The following ATP9A variants were observed in gnomAD, a reference collection of about 807,000 sequenced individuals.
The protein encoded by ATP9A is probable phospholipid-transporting ATPase IIA.
Under a neutral mutation model 144.1 loss-of-function variants are expected in ATP9A, and 52 were observed. That is an observed-to-expected ratio of 0.36 (90% CI 0.29 to 0.45). ATP9A has a LOEUF of 0.45. ATP9A is among the 20% of genes least tolerant of loss of function. The pLI, the probability that ATP9A is intolerant of heterozygous loss-of-function variation, is 1.00. For missense variants in ATP9A, 947 were observed against 1,392.7 expected, an observed-to-expected ratio of 0.68 and a Z score of 5.09; for synonymous variants, 582 against 557.4, an observed-to-expected ratio of 1.04 and a Z score of -0.62.
chr20:51,741,045 A>T (rs2077782985), intron 1 of ATP9A, among the ~76,000 whole-genome samples: 1 of 151,742 alleles, frequency 6.6e-6, no homozygotes, highest in African/African-American at 2.4e-5. Flanking sequence ...TTAATTAATT[A>T]AAAATAAATT....
intron 6 of ATP9A, among the ~76,000 whole-genome samples, chr20:51,695,229 C>T (rs571818574): frequency 6.6e-6 from 1 of 152,030 alleles, no homozygotes; most frequent in Non-Finnish European, 1.5e-5. Context: ...TGGCTCACAC[C>T]TGTAATTCCA....
intron 14 of ATP9A, among the ~76,000 whole-genome samples, chr20:51,649,151 C>A (rs1487608509): frequency 1.3e-5 from 2 of 152,116 alleles, no homozygotes; most frequent in Non-Finnish European, 2.9e-5. Context: ...CCAAACAGGG[C>A]ACCCTGTTTG....
At chr20:51,759,959 C>G (rs542717371) in intron 1 of ATP9A, among the ~76,000 whole-genome samples, 6 of 152,266 alleles carry the variant, frequency 3.9e-5, no homozygotes, top group Admixed American at 3.9e-4. Context: ...CCCTGCCCCG[C>G]CCCCAGACAC....
In ATP9A at chr20:51,689,163, C is replaced by T. The variant is rs760748613; in HGVS notation, c.724-24G>A. On this transcript the variant is annotated intron_variant, in intron 8 of 27. Transcript: ENST00000338821. ...TCCTGGAAAAGACCAAACGGACACA[C>T]GTTCACCCCCCAAAGCTTCCCCAGA... The T allele has an allele frequency of 1.7e-5, 28 of 1,610,786 alleles. No homozygotes were observed. In the East Asian group the frequency reaches 2.2e-4, roughly 13 times the overall value.
chr20:51,614,446 A>G (rs920994803), intron 22 of ATP9A, among the ~76,000 whole-genome samples: 1 of 152,056 alleles, frequency 6.6e-6, no homozygotes, highest in Non-Finnish European at 1.5e-5. Context: ...GAGCACAGAC[A>G]TGCACCACCA....
At chr20:51,638,009 T>C (rs76640102) in intron 15 of ATP9A, among the ~76,000 whole-genome samples, 1 of 139,964 alleles carries the variant, frequency 7.1e-6, no homozygotes, top group East Asian at 2.1e-4. Flanking sequence ...CCCAATCCCA[T>C]CCAGTTTGCA....
Position 51,760,724 on chromosome 20 carries a change from T to C in ATP9A, c.68+7578A>G, listed in dbSNP as rs372829481. ...CTGGGCGACAGAGCAAGACTCCGTC[T>C]CAAAAAAAAAAAAAAAAATGCCAGG... On this transcript the variant is annotated intron_variant, in intron 1 of 27. Coordinates refer to ENST00000338821, the MANE Select transcript of ATP9A (RefSeq NM_006045.3). Among the ~76,000 whole-genome samples the C allele has an allele frequency of 2.3e-4, 10 of 43,136 alleles. No individual in the cohort carries two copies. In the East Asian group the frequency reaches 3.1e-3, roughly 14 times the overall value. 28.3% of individuals were successfully genotyped at this position (43,136 alleles called of 152,430 possible). A position where few individuals can be genotyped will look rare whatever the true frequency, so the allele number is the denominator to read the frequency against.
Position 51,768,333 on chromosome 20 carries a change from T to C in ATP9A, c.37A>G (p.Lys13Glu). ...DNIPLQPVRQKKRMDSRPRAG... is the reference protein window; with the variant it reads ...DNIPLQPVRQEKRMDSRPRAG... The stretch of plus-strand genomic sequence containing the variant: ...CGGGGCCTGCTGTCCATCCGCTTCT[T>C]CTGGCGCACCGGCTGCAGCGGGATG... The change falls in exon 1 of 28, where the codon AAG becomes GAG. Residue 13 changes from lysine (K) to glutamate (E), a missense_variant. Around this residue, in one of 2 missense-constraint regions of ATP9A, gnomAD observed 770 missense variants for 1,047.9 expected, o/e 0.73. Coordinates refer to ENST00000338821, the MANE Select transcript of ATP9A (RefSeq NM_006045.3). 1.5e-6 allele frequency: 2 copies of C among 1,311,340 alleles called. No individual in the cohort carries two copies. Among genetic ancestry groups the C allele is most frequent in the South Asian group, 2.2e-5 (1 of 44,640 alleles). 81.2% of individuals were successfully genotyped at this position (1,311,340 alleles called of 1,614,324 possible).
At chr20:51,620,470 T>C (rs776062003) in intron 19 of ATP9A, among the ~76,000 whole-genome samples, 5 of 152,162 alleles carry the variant, frequency 3.3e-5, no homozygotes, top group Admixed American at 1.3e-4. Context: ...CATAAATATA[T>C]AACCTTATTT....
chr20:51,658,163 G>A (rs922722739), intron 13 of ATP9A, among the ~76,000 whole-genome samples: 2 of 152,188 alleles, frequency 1.3e-5, no homozygotes, highest in African/African-American at 4.8e-5. Flanking sequence ...GCTGTTTCCT[G>A]TCAACGAGAG....
intron 8 of ATP9A, among the ~76,000 whole-genome samples, chr20:51,689,370 A>G (rs1201415558): frequency 1.3e-5 from 2 of 152,252 alleles, no homozygotes; most frequent in East Asian, 3.9e-4. Context: ...CCTGTGATTT[A>G]AGAAGCGCAG....
chr20:51,629,152 C>A, intron 15 of ATP9A, 80 bp from the exon 16 acceptor site: 2 of 1,201,942 alleles, frequency 1.7e-6, no homozygotes, highest in Non-Finnish European at 2.4e-6. Flanking sequence ...CCATGACAGA[C>A]AGTGTACAAA....
intron 4 of ATP9A, among the ~76,000 whole-genome samples, chr20:51,698,617 A>T (rs1043167637): frequency 6.6e-6 from 1 of 152,162 alleles, no homozygotes; most frequent in African/African-American, 2.4e-5. Context: ...GGAGGCAATA[A>T]ACAAATAATG....
At chr20:51,733,808 G>A (rs1316092876) in intron 1 of ATP9A, among the ~76,000 whole-genome samples, 1 of 151,954 alleles carries the variant, frequency 6.6e-6, no homozygotes, top group Non-Finnish European at 1.5e-5. Flanking sequence ...CAAGTATATG[G>A]GACTAAAGGC....
At chr20:51,684,461 C>T (rs2077513368) in intron 9 of ATP9A, among the ~76,000 whole-genome samples, 2 of 151,914 alleles carry the variant, frequency 1.3e-5, no homozygotes, top group African/African-American at 2.4e-5. Flanking sequence ...CTTTGGGAGG[C>T]TGAGGCGGGT....
intron 1 of ATP9A, among the ~76,000 whole-genome samples, chr20:51,754,192 C>G (rs751648029): frequency 8.5e-5 from 13 of 152,060 alleles, no homozygotes; most frequent in Non-Finnish European, 1.5e-4. Flanking sequence ...GTCTAAAACT[C>G]AATCTCAGAT....
At chr20:51,689,226 G>C in intron 8 of ATP9A, 87 bp from the exon 9 acceptor site, 6 of 1,334,922 alleles carry the variant, frequency 4.5e-6, no homozygotes, top group Non-Finnish European at 5.3e-6. Flanking sequence ...GCTGGAGATA[G>C]AAAGACAGGC....
At chr20:51,635,229 C>G (rs917194079) in intron 15 of ATP9A, among the ~76,000 whole-genome samples, 1 of 152,238 alleles carries the variant, frequency 6.6e-6, no homozygotes, top group African/African-American at 2.4e-5. Context: ...AGGGTGGCCT[C>G]TGGCCAACAG....
intron 14 of ATP9A, among the ~76,000 whole-genome samples, chr20:51,653,399 C>A (rs1483215778): frequency 6.6e-6 from 1 of 152,116 alleles, no homozygotes; most frequent in Non-Finnish European, 1.5e-5. Context: ...GAGGAGTGGG[C>A]AACGGGCATT....
Sources: allele counts gnomAD v4.1 joint callset (sites outside exome capture counted in the v4.1 genomes callset), GRCh38; gene constraint gnomAD v4.1.1; regional missense constraint gnomAD v4.1.1; transcripts MANE v1.5; gene names NCBI Gene and HGNC (gene_info 2026-07-23, HGNC 2026-07-21).